Variants in SUSD6 observed in about 807,000 individuals in gnomAD.
The protein encoded by SUSD6 is sushi domain containing 6.
In SUSD6, 16 loss-of-function variants were observed where a neutral mutation model predicts 28.4. That is an observed-to-expected ratio of 0.56 (90% CI 0.38 to 0.86). The LOEUF is 0.86. Among genes scored for constraint, SUSD6 ranks in the 40% least tolerant of loss-of-function variants. The pLI, the probability that SUSD6 is intolerant of heterozygous loss-of-function variation, is 0.00. For synonymous variants in SUSD6, 147 were observed against 159.6 expected, an observed-to-expected ratio of 0.92 and a Z score of 0.59; for missense variants, 341 against 384.2, an observed-to-expected ratio of 0.89 and a Z score of 0.94.
chr14:69,703,268 T>A lies in SUSD6; in HGVS notation c.122-127T>A, dbSNP rs150006260. On this transcript the variant is annotated intron_variant, in intron 2 of 5. Transcript: ENST00000342745. ...GAGTTTCCAGGGTTTGGTTAACAGT[T>A]CCTCCAAGGAAAGGGTTATTTCCTC... 1.4e-4 allele frequency: 108 copies of A among 764,426 alleles called. No homozygotes were observed. The East Asian group carries it at 2.7e-3, about 19-fold the overall frequency. 47.4% of individuals were successfully genotyped at this position (764,426 alleles called of 1,614,324 possible).
At chr14:69,612,091 C>T (rs1884885340) in intron 1 of SUSD6, among the ~76,000 whole-genome samples, 5 of 151,356 alleles carry the variant, frequency 3.3e-5, no homozygotes, top group Admixed American at 3.3e-4. Flanking sequence ...GGACCGGCGG[C>T]TGGTTTGCGG....
chr14:69,701,846 G>GA (rs1173059348), intron 2 of SUSD6, among the ~76,000 whole-genome samples: 1 of 152,078 alleles, frequency 6.6e-6, no homozygotes, highest in African/African-American at 2.4e-5. Flanking sequence ...CCTAAAAAAA[G>GA]AAAAGAAAAA....
At chr14:69,697,228 C>G (rs1311897333) in intron 2 of SUSD6, among the ~76,000 whole-genome samples, 1 of 152,170 alleles carries the variant, frequency 6.6e-6, no homozygotes, top group East Asian at 1.9e-4. Flanking sequence ...AGGTCACTTT[C>G]GTCACCATCT....
intron 2 of SUSD6, among the ~76,000 whole-genome samples, chr14:69,675,619 A>G (rs148712918): frequency 1.3e-5 from 2 of 152,304 alleles, no homozygotes; most frequent in Non-Finnish European, 2.9e-5. Context: ...GCAGGTAGCA[A>G]TAGCTGCAAC....
chr14:69,658,413 C>G (rs1352323163), intron 1 of SUSD6, 100 bp from the exon 2 acceptor site: 3 of 629,266 alleles, frequency 4.8e-6, no homozygotes, highest in Non-Finnish European at 8.2e-6. Flanking sequence ...CTAGAATTCT[C>G]TCAACTTTGT....
intron 5 of SUSD6, 151 bp downstream of exon 5, chr14:69,709,255 C>T (rs1886429568): frequency 1.4e-6 from 1 of 729,068 alleles, no homozygotes; most frequent in East Asian, 2.8e-5. Context: ...GAATTTCACC[C>T]TCAGAGTACT....
chr14:69,680,793 T>C (rs1054676025), intron 2 of SUSD6, among the ~76,000 whole-genome samples: 5 of 152,214 alleles, frequency 3.3e-5, no homozygotes, highest in Non-Finnish European at 7.3e-5. Context: ...GAGATCTTTT[T>C]TGTCTCTCAG....
intron 1 of SUSD6, chr14:69,615,511 C>CT (rs1238621213): frequency 6.6e-6 from 1 of 152,232 alleles, no homozygotes; most frequent in Non-Finnish European, 1.5e-5. Flanking sequence ...TTTTTCTTCC[C>CT]TTTTTAGTTT....
intron 2 of SUSD6, among the ~76,000 whole-genome samples, chr14:69,693,390 C>T (rs985941553): frequency 3.3e-4 from 50 of 152,128 alleles, no homozygotes; most frequent in Admixed American, 1.6e-3. Flanking sequence ...GTCCATTTGT[C>T]AGCCAAGAGC....
In SUSD6 at chr14:69,713,987, G is replaced by A. The variant is rs1886509299; in HGVS notation, c.*3008G>A. Reference sequence around the variant, plus strand: ...GTCCCTTCCATGCCTTAGTTTAGCAGGTAGGCTCTATCTTTTGCCATTTCT... The same window carrying A: ...GTCCCTTCCATGCCTTAGTTTAGCAAGTAGGCTCTATCTTTTGCCATTTCT... On this transcript the variant is annotated 3_prime_UTR_variant, in exon 6 of 6. Transcript: ENST00000342745. 6.6e-6 allele frequency: 1 copy of A among 152,104 alleles called. No homozygotes were observed. Among genetic ancestry groups the A allele is most frequent in the Admixed American group, 6.5e-5 (1 of 15,270 alleles). The allele number at this position is 152,104 out of a possible 1,614,324, so 9.4% of individuals were successfully genotyped here. A position where few individuals can be genotyped will look rare whatever the true frequency, so the allele number is the denominator to read the frequency against.
chr14:69,681,379 T>C (rs1885995249), intron 2 of SUSD6, among the ~76,000 whole-genome samples: 1 of 152,214 alleles, frequency 6.6e-6, no homozygotes, highest in Admixed American at 6.5e-5. Flanking sequence ...AATAAAACTT[T>C]ATAAACCCTG....
intron 2 of SUSD6, among the ~76,000 whole-genome samples, chr14:69,680,378 C>A (rs1019132700): frequency 6.6e-6 from 1 of 152,158 alleles, no homozygotes; most frequent in Non-Finnish European, 1.5e-5. Context: ...AAAAAAATTA[C>A]ATTGCTGACA....
Position 69,713,602 on chromosome 14 carries a change from G to A in SUSD6, c.*2623G>A, listed in dbSNP as rs1419760520. 2 of 152,236 alleles carry A rather than the reference G, an allele frequency of 1.3e-5. No individual in the cohort carries two copies. The highest frequency in any genetic ancestry group is 2.4e-5 in the African/African-American group (1 of 41,440). 9.4% of individuals were successfully genotyped at this position (152,236 alleles called of 1,614,324 possible). A position where few individuals can be genotyped will look rare whatever the true frequency, so the allele number is the denominator to read the frequency against. ...AGATTAGGGACTCCACAGCTGCCTT[G>A]AGGTAGGGCCTGGCTGAGAGACAAG... is the stretch of plus-strand genomic sequence containing the variant. On this transcript the variant is annotated 3_prime_UTR_variant, in exon 6 of 6. Coordinates refer to ENST00000342745, the MANE Select transcript of SUSD6 (RefSeq NM_014734.4).
intron 2 of SUSD6, among the ~76,000 whole-genome samples, chr14:69,676,001 C>G (rs1274999353): frequency 6.6e-6 from 1 of 152,172 alleles, no homozygotes; most frequent in African/African-American, 2.4e-5. Context: ...ACTTCAACCA[C>G]TTAAGTGTTA....
At position 69,713,635 on chromosome 14, in the gene SUSD6, G is replaced by A. The variant is rs1487532464; in HGVS notation, c.*2656G>A. The A allele has an allele frequency of 2.6e-5, 4 of 152,434 alleles. No individual in the cohort carries two copies. The highest frequency in any genetic ancestry group is 4.4e-5 in the Non-Finnish European group (3 of 68,116). The allele number at this position is 152,434 out of a possible 1,614,324, so 9.4% of individuals were successfully genotyped here. ...GCCTGGCTGAGAGACAAGGGTAGCA[G>A]CAGGTGGCAGGCTGTTAAAAGACAG... On this transcript the variant is annotated 3_prime_UTR_variant, in exon 6 of 6. Transcript: ENST00000342745.
intron 2 of SUSD6, among the ~76,000 whole-genome samples, chr14:69,672,163 A>G (rs113095596): frequency 2.0e-5 from 3 of 152,324 alleles, no homozygotes; most frequent in African/African-American, 7.2e-5. Context: ...TTTGTATGCA[A>G]GATCAAACAC....
intron 1 of SUSD6, among the ~76,000 whole-genome samples, chr14:69,619,598 GAAA>G (rs10554011): frequency 2.5e-5 from 3 of 119,086 alleles, no homozygotes; most frequent in African/African-American, 8.8e-5. Context: ...CATCTCTACA[GAAA>G]AAAAAAAAAA....
At chr14:69,675,331 T>C (rs1369355944) in intron 2 of SUSD6, among the ~76,000 whole-genome samples, 1 of 152,182 alleles carries the variant, frequency 6.6e-6, no homozygotes, top group African/African-American at 2.4e-5. Context: ...TTTTCATCAC[T>C]CAACATTTAC....
chr14:69,649,164 G>A (rs527245512), intron 1 of SUSD6, among the ~76,000 whole-genome samples: 20 of 152,210 alleles, frequency 1.3e-4, no homozygotes, highest in African/African-American at 4.6e-4. Flanking sequence ...TTCCTCTCAC[G>A]TAAGTTGTGA....
Sources: allele counts gnomAD v4.1 joint callset (sites outside exome capture counted in the v4.1 genomes callset), GRCh38; gene constraint gnomAD v4.1.1; transcripts MANE v1.5; gene names NCBI Gene and HGNC (gene_info 2026-07-23, HGNC 2026-07-21).